The following ARHGAP6 variants were observed in gnomAD, a reference collection of about 807,000 sequenced individuals.
ARHGAP6 encodes the protein Rho GTPase activating protein 6, also known as rho GTPase-activating protein 6.
A neutral mutation model predicts 55.7 loss-of-function variants in ARHGAP6; 16 were observed. The ratio of observed to expected loss-of-function variants is 0.29; its 90% CI spans 0.19 to 0.44. ARHGAP6 has a LOEUF of 0.44. ARHGAP6 is among the 20% of genes least tolerant of loss of function. The pLI is 1.00. For missense variants in ARHGAP6, 698 were observed against 808.9 expected, an observed-to-expected ratio of 0.86 and a Z score of 1.66; for synonymous variants, 382 against 360.9, an observed-to-expected ratio of 1.06 and a Z score of -0.66.
intron 2 of ARHGAP6, among the ~76,000 whole-genome samples, chrX:11,228,373 T>C (rs768037236): frequency 9.0e-6 from 1 of 111,110 alleles, no homozygotes; most frequent in South Asian, 3.8e-4. Flanking sequence ...GATTACAGTT[T>C]TTAAATTTGA....
chrX:11,376,115 T>A (rs187612741), intron 1 of ARHGAP6, among the ~76,000 whole-genome samples: 22 of 111,227 alleles, frequency 2.0e-4, no homozygotes, highest in Non-Finnish European at 3.8e-4. Context: ...AATAACAAGA[T>A]GATCATGTGC....
chrX:11,222,960 T>C (rs1301835567), intron 2 of ARHGAP6, among the ~76,000 whole-genome samples: 1 of 112,223 alleles, frequency 8.9e-6, no homozygotes, highest in Non-Finnish European at 1.9e-5. Flanking sequence ...CCAATTGGAA[T>C]TGGAAAACTA....
intron 8 of ARHGAP6, among the ~76,000 whole-genome samples, chrX:11,175,105 C>T (rs761065839): frequency 8.0e-5 from 9 of 111,825 alleles, no homozygotes; most frequent in Non-Finnish European, 1.3e-4. Context: ...CAATCTACAA[C>T]GTGGATCATA....
At chrX:11,572,657 A>G (rs977044510) in intron 1 of ARHGAP6, among the ~76,000 whole-genome samples, 1 of 111,898 alleles carries the variant, frequency 8.9e-6, no homozygotes, top group African/African-American at 3.3e-5. Context: ...ATACGTGTGC[A>G]TGTGTCTTTA....
chrX:11,490,927 AT>A (rs1295888049), intron 1 of ARHGAP6, among the ~76,000 whole-genome samples: 1 of 112,586 alleles, frequency 8.9e-6, no homozygotes, highest in Non-Finnish European at 1.9e-5. Flanking sequence ...CAAAAAGAAT[AT>A]TTAATGTTGG....
chrX:11,498,936 T>C (rs764967712), intron 1 of ARHGAP6, among the ~76,000 whole-genome samples: 5 of 111,710 alleles, frequency 4.5e-5, no homozygotes, highest in African/African-American at 1.6e-4. Context: ...TAATTGTACA[T>C]ATTTATGAGG....
intron 1 of ARHGAP6, among the ~76,000 whole-genome samples, chrX:11,437,156 C>T (rs1293479939): frequency 9.0e-6 from 1 of 111,512 alleles, no homozygotes; most frequent in Admixed American, 9.5e-5. Context: ...GCAACAGTCC[C>T]AGGAGGTGGT....
chrX:11,658,200 A>G lies in ARHGAP6; in HGVS notation c.588+6041T>C, dbSNP rs1417906021. ...AGCAATTTGGAGCTAGATGCTACCC[A>G]AGGTTCTTTCTGAGTCTAAACTTTG... On this transcript the variant is annotated intron_variant, in intron 1 of 12. Coordinates refer to ENST00000337414, the MANE Select transcript of ARHGAP6 (RefSeq NM_013427.3). 5.4e-5 allele frequency among the ~76,000 whole-genome samples: 6 copies of G among 111,632 alleles called. No homozygotes were observed. In the East Asian group the frequency reaches 1.7e-3, roughly 31 times the overall value.
intron 1 of ARHGAP6, among the ~76,000 whole-genome samples, chrX:11,514,161 CAA>C (rs1156613318): frequency 0.12 from 4,389 of 35,591 alleles, 181 homozygotes; most frequent in East Asian, 0.23. Flanking sequence ...AACCCTGTCT[CAA>C]AAAAAAAAAA....
chrX:11,383,944 T>C (rs930980676), intron 1 of ARHGAP6, among the ~76,000 whole-genome samples: 5 of 110,634 alleles, frequency 4.5e-5, no homozygotes, highest in African/African-American at 1.6e-4. Flanking sequence ...ACAGTTTTCC[T>C]GATTCTCAGT....
chrX:11,261,594 G>A (rs1252494597), intron 1 of ARHGAP6, among the ~76,000 whole-genome samples: 3 of 111,797 alleles, frequency 2.7e-5, no homozygotes, highest in African/African-American at 6.5e-5. Flanking sequence ...AATTTGTTTA[G>A]ATTTTATAAA....
chrX:11,466,773 A>G (rs926639819), intron 1 of ARHGAP6, among the ~76,000 whole-genome samples: 1 of 111,719 alleles, frequency 9.0e-6, no homozygotes, highest in African/African-American at 3.3e-5. Flanking sequence ...CCCAGTTCTG[A>G]TATTACAGGC....
At position 11,179,356 on chromosome X, in the gene ARHGAP6, T is replaced by C. The variant is rs1196404452; in HGVS notation, c.1426A>G (p.Met476Val). Residue 476 changes from methionine (M) to valine (V), a missense_variant, in exon 7 of 13, where the codon ATG (methionine) becomes GTG (valine). Transcript: ENST00000337414. ...TCCCTGGTGAGAAGGGGGTCTGGCA[T>C]GTCCCTCAGGAACTCTTTCAGCAAG... ...AALLKEFLRD[M>V]PDPLLTRELY... is the part of the protein sequence containing the mutation. 2.1e-5 allele frequency: 26 copies of C among 1,210,615 alleles called. No individual in the cohort carries two copies. Among genetic ancestry groups the C allele is most frequent in the Non-Finnish European group, 2.7e-5 (24 of 895,068 alleles).
intron 1 of ARHGAP6, among the ~76,000 whole-genome samples, chrX:11,602,929 G>C (rs2051994641): frequency 8.9e-6 from 1 of 112,274 alleles, no homozygotes; most frequent in Admixed American, 9.5e-5. Context: ...GCTTTGCCCA[G>C]AACACCGGAT....
intron 1 of ARHGAP6, among the ~76,000 whole-genome samples, chrX:11,619,770 T>C (rs2052206979): frequency 8.9e-6 from 1 of 112,082 alleles, no homozygotes; most frequent in South Asian, 3.7e-4. Flanking sequence ...CTCTCCAACA[T>C]CATTAATCAA....
At chrX:11,410,879 A>G (rs2049671980) in intron 1 of ARHGAP6, among the ~76,000 whole-genome samples, 1 of 109,677 alleles carries the variant, frequency 9.1e-6, no homozygotes, top group Non-Finnish European at 1.9e-5. Flanking sequence ...TATAAATACA[A>G]GTTAGAAAAT....
At chrX:11,297,291 G>A (rs369317733) in intron 1 of ARHGAP6, among the ~76,000 whole-genome samples, 1 of 111,928 alleles carries the variant, frequency 8.9e-6, no homozygotes, top group Admixed American at 9.5e-5. Context: ...GAGAGACTCC[G>A]CAGAACAGCG....
At chrX:11,567,566 A>AAAAAAAAAAAAAAAAAAATATATATAT (rs1440758737) in intron 1 of ARHGAP6, among the ~76,000 whole-genome samples, 1 of 84,403 alleles carries the variant, frequency 1.2e-5, no homozygotes, top group Non-Finnish European at 2.3e-5. Context: ...AAAAAAAAAA[A>AAAAAAAAAAAAAAAAAAATATATATAT]ATATATATAT....
chrX:11,245,241 A>T (rs1270536480), intron 2 of ARHGAP6, among the ~76,000 whole-genome samples: 1 of 111,765 alleles, frequency 8.9e-6, no homozygotes, highest in African/African-American at 3.3e-5. Flanking sequence ...CGATGATAGG[A>T]ACTCCTTTTG....
Sources: allele counts gnomAD v4.1 joint callset (sites outside exome capture counted in the v4.1 genomes callset), GRCh38; gene constraint gnomAD v4.1.1; transcripts MANE v1.5; gene names NCBI Gene and HGNC (gene_info 2026-07-23, HGNC 2026-07-21).